The following GRB14 variants were observed in gnomAD, a reference collection of about 807,000 sequenced individuals.
The protein encoded by GRB14 is growth factor receptor bound protein 14.
A neutral mutation model predicts 69.1 loss-of-function variants in GRB14; 38 were observed. That is an observed-to-expected ratio of 0.55 (90% CI 0.42 to 0.72). GRB14 has a LOEUF of 0.72. Among genes scored for constraint, GRB14 ranks in the 30% least tolerant of loss-of-function variants. The probability of loss-of-function intolerance (pLI) is 0.00; values close to 1 mark genes in which losing one functional copy is unlikely to be tolerated. For missense variants in GRB14, 666 were observed against 666.1 expected (o/e 1.00, Z 0.00); for synonymous variants, 247 against 241.3 (o/e 1.02, Z -0.22).
At chr2:164,582,657 G>C (rs565627857) in intron 2 of GRB14, among the ~76,000 whole-genome samples, 15 of 152,054 alleles carry the variant, frequency 9.9e-5, no homozygotes, top group Non-Finnish European at 1.9e-4. Context: ...CTGACTGCGT[G>C]ATCCACTCGC....
At chr2:164,612,803 TA>T (rs1690198264) in intron 2 of GRB14, among the ~76,000 whole-genome samples, 2 of 152,110 alleles carry the variant, frequency 1.3e-5, no homozygotes, top group Admixed American at 6.5e-5. Flanking sequence ...GAGATTTCAA[TA>T]ACGTTAAAAA....
chr2:164,613,207 C>T (rs925244842), intron 2 of GRB14, among the ~76,000 whole-genome samples: 22 of 152,124 alleles, frequency 1.4e-4, no homozygotes, highest in African/African-American at 5.1e-4. Flanking sequence ...TCAAATAAAC[C>T]AATTGGTGGA....
At chr2:164,524,227 G>A (rs931942060) in intron 5 of GRB14, among the ~76,000 whole-genome samples, 2 of 152,094 alleles carry the variant, frequency 1.3e-5, no homozygotes, top group African/African-American at 4.8e-5. Context: ...GTTTGGGGAT[G>A]CATGGGGCTG....
At chr2:164,506,171 A>G (rs1344803255) in intron 8 of GRB14, among the ~76,000 whole-genome samples, 1 of 152,186 alleles carries the variant, frequency 6.6e-6, no homozygotes, top group Non-Finnish European at 1.5e-5. Context: ...GGAGGGCTGG[A>G]CAAAGTTAGT....
At chr2:164,570,997 C>T (rs1228902100) in intron 2 of GRB14, among the ~76,000 whole-genome samples, 2 of 152,082 alleles carry the variant, frequency 1.3e-5, no homozygotes, top group South Asian at 4.1e-4. Flanking sequence ...ATCAAAAAGG[C>T]AAATGTCTTT....
At position 164,506,114 on chromosome 2, in the gene GRB14, T is replaced by C. The variant is rs567586042; in HGVS notation, c.1023+2341A>G. On this transcript the variant is annotated intron_variant, in intron 8 of 13. Coordinates refer to ENST00000263915, the MANE Select transcript of GRB14 (RefSeq NM_004490.3). ...AAATTTTCTCTACCATAACTCTTGATGGAGTAGAGCCTTCCAAAGAGTACC... is the reference window on the plus strand; with the variant it reads ...AAATTTTCTCTACCATAACTCTTGACGGAGTAGAGCCTTCCAAAGAGTACC... Among the ~76,000 whole-genome samples the C allele has an allele frequency of 2.0e-5, 3 of 152,316 alleles. 1 individual carries two copies. The highest frequency in any genetic ancestry group is 7.2e-5 in the African/African-American group (3 of 41,590).
intron 2 of GRB14, among the ~76,000 whole-genome samples, chr2:164,564,436 T>C (rs922250248): frequency 2.0e-5 from 3 of 152,174 alleles, no homozygotes; most frequent in Non-Finnish European, 4.4e-5. Flanking sequence ...TTTTAGAAAA[T>C]CATAGCAATT....
intron 2 of GRB14, among the ~76,000 whole-genome samples, chr2:164,590,478 A>G (rs1689636451): frequency 6.6e-6 from 1 of 152,258 alleles, no homozygotes; most frequent in African/African-American, 2.4e-5. Flanking sequence ...TATCAATTCA[A>G]TTCTGATATA....
chr2:164,512,488 T>C (rs1029983649), intron 6 of GRB14, among the ~76,000 whole-genome samples: 3 of 152,162 alleles, frequency 2.0e-5, no homozygotes, highest in Middle Eastern at 3.2e-3. Flanking sequence ...TTTTTGGCTA[T>C]AGTCCCTGGC....
chr2:164,573,634 T>G (rs1689171127), intron 2 of GRB14: 1 of 1,510,274 alleles, frequency 6.6e-7, no homozygotes, highest in Admixed American at 2.0e-5. Context: ...CTTTAATAGT[T>G]TTTTTTTCAT....
intron 2 of GRB14, among the ~76,000 whole-genome samples, chr2:164,565,278 T>A (rs1030444507): frequency 2.4e-5 from 3 of 125,728 alleles, no homozygotes; most frequent in African/African-American, 5.0e-5. Flanking sequence ...TATCACACAC[T>A]CACACACACA....
intron 2 of GRB14, among the ~76,000 whole-genome samples, chr2:164,585,487 A>G (rs1689517880): frequency 6.6e-6 from 1 of 152,086 alleles, no homozygotes; most frequent in Non-Finnish European, 1.5e-5. Flanking sequence ...CAAATATCTG[A>G]CAATACTCCT....
intron 3 of GRB14, among the ~76,000 whole-genome samples, chr2:164,529,834 C>T (rs528953793): frequency 1.3e-5 from 2 of 152,302 alleles, no homozygotes; most frequent in South Asian, 4.1e-4. Context: ...TTGTCTGCTT[C>T]TGCCTGTTAT....
At chr2:164,576,248 C>A (rs889904489) in intron 2 of GRB14, among the ~76,000 whole-genome samples, 1 of 151,382 alleles carries the variant, frequency 6.6e-6, no homozygotes, top group South Asian at 2.1e-4. Context: ...TATTAATTGA[C>A]TGTTATCCAA....
intron 2 of GRB14, among the ~76,000 whole-genome samples, chr2:164,584,145 C>CTTTT (rs1689479355): frequency 9.7e-6 from 1 of 102,848 alleles, no homozygotes; most frequent in Non-Finnish European, 1.9e-5. Context: ...ACCAGCCTGG[C>CTTTT]TATTTTTTTT....
In GRB14 at chr2:164,546,518, C is replaced by T. The variant is rs1359225929; in HGVS notation, c.481+1142G>A. Among the ~76,000 whole-genome samples the T allele has an allele frequency of 5.3e-5, 8 of 152,216 alleles. No homozygotes were observed. The East Asian group carries it at 9.7e-4, about 18-fold the overall frequency. ...CAAATATGAAGATGAGGCAGTTCCACGGGCGACAGGAAAGTAAAGAAAAGC... is the reference window on the plus strand; with the variant it reads ...CAAATATGAAGATGAGGCAGTTCCATGGGCGACAGGAAAGTAAAGAAAAGC... On this transcript the variant is annotated intron_variant, in intron 3 of 13. Coordinates refer to ENST00000263915, the MANE Select transcript of GRB14 (RefSeq NM_004490.3).
chr2:164,572,359 C>T (rs1055014723), intron 2 of GRB14, among the ~76,000 whole-genome samples: 38 of 152,108 alleles, frequency 2.5e-4, no homozygotes, highest in Admixed American at 3.9e-4. Context: ...CATAATGTTC[C>T]TCAGTTCATT....
At chr2:164,564,241 T>C (rs1418459664) in intron 2 of GRB14, among the ~76,000 whole-genome samples, 1 of 152,190 alleles carries the variant, frequency 6.6e-6, no homozygotes, top group African/African-American at 2.4e-5. Context: ...TAAAAGCCGT[T>C]TGAAGCCCAA....
chr2:164,516,128 T>C (rs1687478960), intron 6 of GRB14, among the ~76,000 whole-genome samples: 1 of 151,772 alleles, frequency 6.6e-6, no homozygotes, highest in African/African-American at 2.4e-5. Context: ...AATCTGAAAG[T>C]TTGGAAAACA....
Sources: gnomAD v4.1 joint callset for allele counts (sites outside exome capture counted in the v4.1 genomes callset) on GRCh38, gnomAD v4.1.1 for gene constraint, MANE v1.5 for transcripts, NCBI Gene and HGNC (gene_info 2026-07-23, HGNC 2026-07-21) for gene names.